Variants in SNRNP200 observed in about 807,000 individuals in gnomAD.
The protein encoded by SNRNP200 is U5 small nuclear ribonucleoprotein 200 kDa helicase.
In SNRNP200, 66 loss-of-function variants were observed where a neutral mutation model predicts 255.2. The observed-to-expected ratio is 0.26, with a 90% CI of 0.21 to 0.32. The LOEUF (loss-of-function observed/expected upper bound fraction) is 0.32, where lower values mean the gene tolerates loss of function less well. Ranked by LOEUF, SNRNP200 falls within the 10% of genes least tolerant of loss-of-function variation. SNRNP200 has a pLI of 1.00. For missense variants in SNRNP200, 1,585 were observed against 2,749.8 expected (o/e 0.58, Z 9.47); for synonymous variants, 939 against 1,027.8 (o/e 0.91, Z 1.65).
intron 16 of SNRNP200, among the ~76,000 whole-genome samples, chr2:96,292,618 G>T (rs996836118): frequency 2.0e-5 from 3 of 152,142 alleles, no homozygotes; most frequent in African/African-American, 7.2e-5. Context: ...AATTATCTGG[G>T]ACTGGGGATT....
rs374265902 is a variant in SNRNP200 at position 96,296,657 on chromosome 2, A to G, written c.1550T>C (p.Met517Thr). The change falls in exon 13 of 45, where the codon ATG becomes ACG. Residue 517 changes from methionine (M) to threonine (T), a missense_variant. Met to Thr is a moderately conservative substitution (Grantham distance 81). Transcript: ENST00000323853. The stretch of plus-strand genomic sequence containing the variant: ...TATGTGTTTCCCAATCTCTCGGAGC[A>G]TGCACATCAGGGCCACGTTGGTCTT... ...AGKTNVALMC[M>T]LREIGKHINM... is the part of the protein sequence containing the mutation. 1.2e-6 allele frequency: 2 copies of G among 1,614,060 alleles called. No individual in the cohort carries two copies. Among genetic ancestry groups the G allele is most frequent in the African/African-American group, 1.3e-5 (1 of 74,908 alleles).
rs1417294509 is a variant in SNRNP200 at position 96,284,540 on chromosome 2, T to G, written c.4210A>C (p.Lys1404Gln). Reference sequence around the variant, plus strand: ...GTCTCGCCTGTCAGGAGTACCACCTTCTTGTTGAGCCTGTCCTGGAACTTC... The same window carrying G: ...GTCTCGCCTGTCAGGAGTACCACCTGCTTGTTGAGCCTGTCCTGGAACTTC... The part of the protein sequence containing the change: ...YEKFQDRLNK[K>Q]VVLLTGETST... Residue 1404 changes from lysine (K) to glutamine (Q), a missense_variant, in exon 31 of 45, where the codon AAG becomes CAG. By Grantham distance (53) the Lys-to-Gln change is moderately conservative. Coordinates refer to ENST00000323853, the MANE Select transcript of SNRNP200 (RefSeq NM_014014.5). 1 of 1,614,078 alleles carries G rather than the reference T, an allele frequency of 6.2e-7. No homozygotes were observed. Among genetic ancestry groups the G allele is most frequent in the Non-Finnish European group, 8.5e-7 (1 of 1,180,016 alleles).
At chr2:96,276,405 T>C (rs559322885) in intron 43 of SNRNP200, 140 of 205,330 alleles carry the variant, frequency 6.8e-4, no homozygotes, top group African/African-American at 3.1e-3. Flanking sequence ...GGTTTAACAA[T>C]GACCAGTCAT....
Position 96,297,680 on chromosome 2 carries a change from A to T in SNRNP200, c.1160T>A (p.Met387Lys), listed in dbSNP as rs749323422. The change falls in exon 10 of 45, where the codon ATG becomes AAG. Residue 387 changes from methionine (M) to lysine (K), a missense_variant. Physicochemically the swap from Met to Lys is moderately conservative, Grantham distance 95. This residue lies in a region of SNRNP200 where 383 missense variants were observed against 645.3 expected (regional missense o/e 0.59). Transcript: ENST00000323853. The part of the protein sequence containing the change: ...SRRERVRQSR[M>K]DTDLETMDLD... ...ATCCATGGTTTCCAGATCTGTGTCC[A>T]TTCGAGACTGACGCACTCGCTCTCT... 1 of 1,614,232 alleles carries T rather than the reference A, an allele frequency of 6.2e-7. No individual in the cohort carries two copies. Among genetic ancestry groups the T allele is most frequent in the East Asian group, 2.2e-5 (1 of 44,890 alleles).
Position 96,287,924 on chromosome 2 carries a change from G to A in SNRNP200, c.3304C>T (p.Arg1102Ter), listed in dbSNP as rs1342896824. ...MRAIFEIVLNRGWAQLTDKTL... is the reference protein window; with the variant it reads ...MRAIFEIVLN Reference sequence around the variant, plus strand: ...TTGTCTGTAAGCTGTGCCCAACCTCGGTTCAGGACAATTTCAAATATCGCT... The same window carrying A: ...TTGTCTGTAAGCTGTGCCCAACCTCAGTTCAGGACAATTTCAAATATCGCT... Residue 1102 changes from arginine (R) to a stop codon, truncating the protein, a stop_gained, in exon 25 of 45, where the codon CGA becomes TGA. Coordinates refer to ENST00000323853, the MANE Select transcript of SNRNP200 (RefSeq NM_014014.5). LOFTEE classifies it high-confidence loss of function. The surrounding 1 kb of genome is among the most constrained non-coding windows in gnomAD (Gnocchi z 5.7). The A allele has an allele frequency of 6.2e-7, 1 of 1,614,046 alleles. No individual in the cohort carries two copies. Among genetic ancestry groups the A allele is most frequent in the Non-Finnish European group, 8.5e-7 (1 of 1,180,040 alleles).
At chr2:96,298,202 T>A in intron 9 of SNRNP200, 82 bp downstream of exon 9, 1 of 1,591,808 alleles carries the variant, frequency 6.3e-7, no homozygotes, top group Admixed American at 1.7e-5. Flanking sequence ...CTTCCACTTT[T>A]AACATGAATT....
Position 96,298,887 on chromosome 2 carries a change from C to A in SNRNP200, c.810G>T (p.Arg270=). ...CATCATCATAGAAACGACTGAGCTG[C>A]CGCTGCAGCCAAAATGCATCAATAT... is the stretch of plus-strand genomic sequence containing the variant. ...PRDIDAFWLQ[R]QLSRFYDDAI... The change falls in exon 7 of 45, where the codon CGG becomes CGT. Residue 270 remains arginine, a synonymous_variant. Transcript: ENST00000323853. 1 of 1,614,200 alleles carries A rather than the reference C, an allele frequency of 6.2e-7. No homozygotes were observed. Among genetic ancestry groups the A allele is most frequent in the Non-Finnish European group, 8.5e-7 (1 of 1,180,038 alleles).
chr2:96,282,875 G>A (rs1052280152), intron 34 of SNRNP200: 37 of 427,182 alleles, frequency 8.7e-5, no homozygotes, highest in Admixed American at 5.2e-4. Context: ...ATACAAGAAC[G>A]GACTAATACA....
rs60013962 is a variant in SNRNP200, at chr2:96,300,494, C to G, written c.630+504G>C. ...ATTATATTGTGGCCGGGCGCAGTGGCTCACACCCGTAATCCCAGCACTTTG... is the reference window on the plus strand; with the variant it reads ...ATTATATTGTGGCCGGGCGCAGTGGGTCACACCCGTAATCCCAGCACTTTG... On this transcript the variant is annotated intron_variant, in intron 5 of 44. Transcript: ENST00000323853. Among the ~76,000 whole-genome samples, 215 of 152,272 alleles carry G rather than the reference C, an allele frequency of 1.4e-3. 5 individuals are homozygous for G. In the East Asian group the frequency reaches 0.035, roughly 25 times the overall value.
In SNRNP200 at chr2:96,295,667, G is replaced by A. The variant is rs1190193612; in HGVS notation, c.1672-9C>T. ...CCATAAGTGGCCAGGCGCTGTGGGA[G>A]GAAAACTACATCAGGCAGGAATGCT... On this transcript the variant is annotated splice_polypyrimidine_tract_variant and intron_variant, in intron 13 of 44. Transcript: ENST00000323853. 3.7e-6 allele frequency: 6 copies of A among 1,612,926 alleles called. No individual in the cohort carries two copies. Among genetic ancestry groups the A allele is most frequent in the African/African-American group, 2.7e-5 (2 of 74,906 alleles).
chr2:96,296,638 T>C lies in SNRNP200; in HGVS notation c.1569A>G (p.Lys523=), dbSNP rs924060397. The C allele has an allele frequency of 6.2e-7, 1 of 1,614,162 alleles. No homozygotes were observed. The highest frequency in any genetic ancestry group is 1.3e-5 in the African/African-American group (1 of 75,042). ...TGATGGTGCCGTCCATGTTTATGTG[T>C]TTCCCAATCTCTCGGAGCATGCACA... ...ALMCMLREIG[K]HINMDGTINV... Residue 523 remains lysine (K), a synonymous_variant, in exon 13 of 45, where the codon AAA becomes AAG. Coordinates refer to ENST00000323853, the MANE Select transcript of SNRNP200 (RefSeq NM_014014.5).
intron 30 of SNRNP200, 196 bp downstream of exon 30, chr2:96,284,984 C>T (rs957082470): frequency 8.8e-6 from 6 of 682,896 alleles, no homozygotes; most frequent in African/African-American, 3.5e-5. Flanking sequence ...TCCTGATCTC[C>T]GGAGATCTGC....
chr2:96,279,053 A>G, intron 36 of SNRNP200, 55 bp from the exon 37 acceptor site: 1 of 1,441,436 alleles, frequency 6.9e-7, no homozygotes, highest in Non-Finnish European at 9.8e-7. Flanking sequence ...ACACGGTCAC[A>G]GAGGGCCAAG....
chr2:96,294,156 G>A (rs1056056941), intron 14 of SNRNP200, among the ~76,000 whole-genome samples: 19 of 149,344 alleles, frequency 1.3e-4, no homozygotes, highest in African/African-American at 3.9e-4. Flanking sequence ...AAAAAAAGCC[G>A]GGGGCAGTGG....
chr2:96,276,607 A>G (rs1180325127), intron 43 of SNRNP200: 2 of 392,226 alleles, frequency 5.1e-6, no homozygotes, highest in Non-Finnish European at 9.8e-6. Context: ...TTTTTAGTAG[A>G]GACGGGGTTT....
chr2:96,298,450 G>A (rs1192916164), intron 8 of SNRNP200, 30 bp from the exon 9 acceptor site: 4 of 1,613,734 alleles, frequency 2.5e-6, no homozygotes, highest in East Asian at 2.2e-5. Flanking sequence ...CAAAGGAAGT[G>A]AGGAGGAGGA....
rs1202320121 is a variant in SNRNP200, at chr2:96,276,897, G to A, written c.6174+7C>T. The stretch of plus-strand genomic sequence containing the variant: ...GACACCTGACCAAGCCAGCTACCAG[G>A]ACGCACCTGCGGGAAGAGAGGCGCA... On this transcript the variant is annotated splice_region_variant and intron_variant, in intron 43 of 44. Coordinates refer to ENST00000323853, the MANE Select transcript of SNRNP200 (RefSeq NM_014014.5). The A allele has an allele frequency of 6.2e-7, 1 of 1,614,032 alleles. No homozygotes were observed. The highest frequency in any genetic ancestry group is 1.1e-5 in the South Asian group (1 of 91,078).
chr2:96,277,297 C>T lies in SNRNP200; in HGVS notation c.5932-56G>A, dbSNP rs1374441311. On this transcript the variant is annotated intron_variant, in intron 41 of 44. Coordinates refer to ENST00000323853, the MANE Select transcript of SNRNP200 (RefSeq NM_014014.5). The surrounding 1 kb of genome is among the most constrained non-coding windows in gnomAD (Gnocchi z 4.4). ...GAGAACACGGGCCAACAGCAAATGA[C>T]ACAGGCAGCAAAGAGCTACTAATTT... 2 of 1,585,910 alleles carry T rather than the reference C, an allele frequency of 1.3e-6. No homozygotes were observed. Among genetic ancestry groups the T allele is most frequent in the East Asian group, 4.5e-5 (2 of 44,746 alleles).
chr2:96,289,486 TA>T (rs2063870124), intron 21 of SNRNP200, 107 bp from the exon 22 acceptor site: 2 of 1,205,594 alleles, frequency 1.7e-6, no homozygotes, highest in African/African-American at 3.0e-5. Flanking sequence ...TTTTTTTTGG[TA>T]AAGTATATGA....
Sources: gnomAD v4.1 joint callset for allele counts (sites outside exome capture counted in the v4.1 genomes callset) on GRCh38, gnomAD v4.1.1 for gene constraint, gnomAD v4.1.1 regional missense constraint, Gnocchi (gnomAD v3.1) non-coding constraint, MANE v1.5 for transcripts, NCBI Gene and HGNC (gene_info 2026-07-23, HGNC 2026-07-21) for gene names.